FOXP2: variants seen among roughly 807,000 people sequenced by gnomAD.
The protein encoded by FOXP2 is forkhead box protein P2.
A neutral mutation model predicts 115.8 loss-of-function variants in FOXP2; 12 were observed. That is an observed-to-expected ratio of 0.10 (90% confidence interval 0.07 to 0.17). The LOEUF (loss-of-function observed/expected upper bound fraction) is 0.17. Among genes scored for constraint, FOXP2 ranks in the 10% least tolerant of loss-of-function variants. The pLI is 1.00. For synonymous variants in FOXP2, 328 were observed against 297.7 expected (o/e 1.10, Z -1.05); for missense variants, 629 against 843.5 (o/e 0.75, Z 3.15).
intron 1 of FOXP2, among the ~76,000 whole-genome samples, chr7:114,423,442 T>G (rs1430211907): frequency 6.6e-6 from 1 of 151,582 alleles, no homozygotes; most frequent in African/African-American, 2.4e-5. Context: ...ATCGTTTGAG[T>G]GTAAGATCTG....
chr7:114,382,475 A>G (rs1792331860), intron 2 of FOXP2, among the ~76,000 whole-genome samples: 1 of 152,100 alleles, frequency 6.6e-6, no homozygotes, highest in Non-Finnish European at 1.5e-5. Context: ...AATCTTTTTT[A>G]AAGTGTCCTT....
intron 2 of FOXP2, among the ~76,000 whole-genome samples, chr7:114,505,458 T>C (rs1288150967): frequency 1.3e-5 from 2 of 151,506 alleles, no homozygotes; most frequent in Non-Finnish European, 3.0e-5. Flanking sequence ...TTTTAATTAT[T>C]TTAATGCAGA....
At chr7:114,508,028 G>A (rs1224060990) in intron 2 of FOXP2, among the ~76,000 whole-genome samples, 1 of 151,852 alleles carries the variant, frequency 6.6e-6, no homozygotes, top group Non-Finnish European at 1.5e-5. Flanking sequence ...AACTGTCCTA[G>A]GTGATAGAAA....
chr7:114,533,339 G>A (rs752598102), intron 2 of FOXP2, among the ~76,000 whole-genome samples: 2 of 151,848 alleles, frequency 1.3e-5, no homozygotes, highest in African/African-American at 4.8e-5. Context: ...TTGATCAGGG[G>A]ATGACTGCCT....
At chr7:114,504,206 A>G (rs1267705023) in intron 2 of FOXP2, among the ~76,000 whole-genome samples, 1 of 151,626 alleles carries the variant, frequency 6.6e-6, no homozygotes, top group Non-Finnish European at 1.5e-5. Context: ...ACTTGTCAAA[A>G]TCTTACAGTC....
chr7:114,470,991 T>C (rs1054488006), intron 2 of FOXP2, among the ~76,000 whole-genome samples: 4 of 152,314 alleles, frequency 2.6e-5, no homozygotes, highest in African/African-American at 9.6e-5. Flanking sequence ...TATCATTTAT[T>C]TCTGAAGCTT....
rs553843426 is a variant in FOXP2, at chr7:114,134,343, G to C, written c.-246-28601G>C. Among the ~76,000 whole-genome samples the C allele has an allele frequency of 1.1e-4, 16 of 152,190 alleles. 1 individual carries two copies. In the South Asian group the frequency reaches 3.3e-3, roughly 32 times the overall value. ...TGCTATAATGCCACAGTATCCCACT[G>C]TTCTTACTGAATTTTCATGGATTTT... On this transcript the variant is annotated intron_variant, in intron 1 of 19. Transcript: ENST00000635638.
chr7:114,556,855 A>G (rs943187362), intron 3 of FOXP2, among the ~76,000 whole-genome samples: 1 of 152,226 alleles, frequency 6.6e-6, no homozygotes, highest in African/African-American at 2.4e-5. Flanking sequence ...TAAGAATATC[A>G]GATACAGTGA....
intron 16 of FOXP2, among the ~76,000 whole-genome samples, chr7:114,675,423 T>A (rs1807700702): frequency 6.6e-6 from 1 of 152,168 alleles, no homozygotes; most frequent in Non-Finnish European, 1.5e-5. Context: ...AAACAAAAGT[T>A]AAGCTCAGGA....
intron 1 of FOXP2, among the ~76,000 whole-genome samples, chr7:114,244,388 G>A (rs1278964050): frequency 6.6e-6 from 1 of 152,112 alleles, no homozygotes; most frequent in Non-Finnish European, 1.5e-5. Flanking sequence ...TAGTGGTCCT[G>A]TCTCCTTAAG....
intron 11 of FOXP2, among the ~76,000 whole-genome samples, chr7:114,658,721 C>T (rs547714224): frequency 7.4e-4 from 112 of 152,266 alleles, no homozygotes; most frequent in Non-Finnish European, 1.2e-3. Flanking sequence ...CTCCTAATGC[C>T]GATATGGCAC....
chr7:114,368,093 T>C (rs969790196), intron 2 of FOXP2, among the ~76,000 whole-genome samples: 1 of 152,196 alleles, frequency 6.6e-6, no homozygotes, highest in Non-Finnish European at 1.5e-5. Context: ...GCATGCTAAT[T>C]ATTTTCTTTA....
At chr7:114,187,872 A>T (rs938753094) in intron 1 of FOXP2, among the ~76,000 whole-genome samples, 1 of 152,172 alleles carries the variant, frequency 6.6e-6, no homozygotes, top group African/African-American at 2.4e-5. Flanking sequence ...TTGCAGCATC[A>T]TCACATGGCA....
intron 2 of FOXP2, among the ~76,000 whole-genome samples, chr7:114,459,763 G>T (rs772224998): frequency 2.6e-5 from 4 of 151,920 alleles, no homozygotes; most frequent in Non-Finnish European, 5.9e-5. Flanking sequence ...TTACAAACAC[G>T]TGCCACCACG....
chr7:114,224,219 ATTTTC>A (rs1351487215), intron 1 of FOXP2, among the ~76,000 whole-genome samples: 1 of 151,882 alleles, frequency 6.6e-6, no homozygotes, highest in African/African-American at 2.4e-5. Flanking sequence ...ATAAGACTTT[ATTTTC>A]TTTTTAGAAT....
Position 114,089,270 on chromosome 7 carries a change from C to G in FOXP2, c.-247+1432C>G, listed in dbSNP as rs558277905. ...ATCCCTGTAGGTGAGAAATGACACT[C>G]AATTTAAAAAGATCATCTAAAAGTT... On this transcript the variant is annotated intron_variant, in intron 1 of 19. Transcript: ENST00000635638. Among the ~76,000 whole-genome samples, 17 of 151,944 alleles carry G rather than the reference C, an allele frequency of 1.1e-4. No homozygotes were observed. The South Asian group carries it at 3.5e-3, about 32-fold the overall frequency.
At chr7:114,279,131 T>C (rs572441019) in intron 1 of FOXP2, among the ~76,000 whole-genome samples, 1 of 152,216 alleles carries the variant, frequency 6.6e-6, no homozygotes, top group South Asian at 2.1e-4. Context: ...GCTTTAATAT[T>C]AATTCAGAAT....
intron 7 of FOXP2, among the ~76,000 whole-genome samples, 189 bp downstream of exon 7, chr7:114,642,812 A>ATATT (rs1308357594): frequency 4.6e-4 from 33 of 72,426 alleles, no homozygotes; most frequent in Middle Eastern, 0.015. Context: ...ATATATATAT[A>ATATT]TTTTTTTTTT....
intron 16 of FOXP2, among the ~76,000 whole-genome samples, chr7:114,672,995 G>A (rs1807575269): frequency 6.6e-6 from 1 of 152,182 alleles, no homozygotes; most frequent in African/African-American, 2.4e-5. Context: ...GAGCCAGAAT[G>A]CAAGTTATTA....
Sources: gnomAD v4.1 joint callset for allele counts (sites outside exome capture counted in the v4.1 genomes callset) on GRCh38, gnomAD v4.1.1 for gene constraint, MANE v1.5 for transcripts, NCBI Gene and HGNC (gene_info 2026-07-23, HGNC 2026-07-21) for gene names.